The following CRB1 variants were observed in gnomAD, a reference collection of about 807,000 sequenced individuals.
CRB1 encodes crumbs cell polarity complex component 1, also known as protein crumbs homolog 1.
A neutral mutation model predicts 120.0 loss-of-function variants in CRB1; 83 were observed. The ratio of observed to expected loss-of-function variants is 0.69; its 90% CI spans 0.58 to 0.83. The LOEUF is 0.83. Ranked by LOEUF, CRB1 falls within the 40% of genes least tolerant of loss-of-function variation. CRB1 has a pLI of 0.00. For synonymous variants in CRB1, 625 were observed against 612.5 expected, an observed-to-expected ratio of 1.02 and a Z score of -0.30; for missense variants, 1,699 against 1,687.6, an observed-to-expected ratio of 1.01 and a Z score of -0.12.
At chr1:197,354,923 G>C (rs1040948766) in intron 4 of CRB1, among the ~76,000 whole-genome samples, 1 of 130,862 alleles carries the variant, frequency 7.6e-6, no homozygotes, top group Non-Finnish European at 1.6e-5. Context: ...TTTACAGAGA[G>C]CTGATTGGTC....
intron 5 of CRB1, among the ~76,000 whole-genome samples, chr1:197,386,666 C>T (rs969935743): frequency 2.0e-5 from 3 of 152,224 alleles, no homozygotes; most frequent in Non-Finnish European, 4.4e-5. Context: ...CTTAATATAG[C>T]CATCACGTGC....
rs761950651 is a variant in CRB1 at position 197,472,351 on chromosome 1, C to T, written c.4006-5313C>T. On this transcript the variant is annotated intron_variant, in intron 11 of 11. Coordinates refer to ENST00000367400, the MANE Select transcript of CRB1 (RefSeq NM_201253.3). Reference sequence around the variant, plus strand: ...CCCAAATATTGCCTTCATTTTTAACCGCAAACATACTTCTGTTGGTTTTAT... The same window carrying T: ...CCCAAATATTGCCTTCATTTTTAACTGCAAACATACTTCTGTTGGTTTTAT... Among the ~76,000 whole-genome samples the T allele has an allele frequency of 4.6e-5, 7 of 152,138 alleles. No homozygotes were observed. In the South Asian group the frequency reaches 8.3e-4, roughly 18 times the overall value.
At chr1:197,252,562 ATATATATATATATATATATATGTGTGTG>A in the CRB1 span, among the ~76,000 whole-genome samples, 2 of 41,600 alleles carry the variant, frequency 4.8e-5, no homozygotes, top group African/African-American at 1.3e-4. Context: ...ATATATATAT[ATATATATATATATATATATATGTGTGTG>A]TGTGTGTGTG....
At position 197,268,366 on chromosome 1, in the gene CRB1, G is replaced by T; in HGVS notation, c.-47G>T. 7.0e-7 allele frequency: 1 copy of T among 1,433,734 alleles called. No homozygotes were observed. The highest frequency in any genetic ancestry group is 9.8e-7 in the Non-Finnish European group (1 of 1,016,060). The allele number at this position is 1,433,734 out of a possible 1,614,324, so 88.8% of individuals were successfully genotyped here. ...AGACAGGGATCAGGAGCCGGACTGG[G>T]ACCAGACCACCAGCAACACACCAGA... On this transcript the variant is annotated 5_prime_UTR_variant, in exon 1 of 12. Coordinates refer to ENST00000367400, the MANE Select transcript of CRB1 (RefSeq NM_201253.3).
chr1:197,222,766 A>T, the CRB1 span: 1 of 1,100,480 alleles, frequency 9.1e-7, no homozygotes, highest in Non-Finnish European at 1.4e-6. Flanking sequence ...TTTCTTTCTG[A>T]ACTCCAAGTG....
At position 197,471,335 on chromosome 1, in the gene CRB1, A is replaced by G. The variant is rs151127558; in HGVS notation, c.4006-6329A>G. Among the ~76,000 whole-genome samples the G allele has an allele frequency of 6.8e-4, 104 of 152,334 alleles. No homozygotes were observed. The East Asian group carries it at 0.02, about 29-fold the overall frequency. On this transcript the variant is annotated intron_variant, in intron 11 of 11. Coordinates refer to ENST00000367400, the MANE Select transcript of CRB1 (RefSeq NM_201253.3). ...AGAGACTTCAAACCCTGCTAACTGC[A>G]GTCTTACAGCCCTTGGAGGGGGCCG...
At chr1:197,335,829 C>T (rs1659122860) in intron 2 of CRB1, among the ~76,000 whole-genome samples, 1 of 152,200 alleles carries the variant, frequency 6.6e-6, no homozygotes. Context: ...TTTCTCCCCT[C>T]CCTGTTCCAC....
intron 1 of CRB1, among the ~76,000 whole-genome samples, chr1:197,279,183 C>T (rs1469655015): frequency 1.3e-5 from 2 of 151,866 alleles, no homozygotes; most frequent in African/African-American, 2.4e-5. Flanking sequence ...TCCTATTTCT[C>T]TTTAACCTCA....
chr1:197,381,338 A>G (rs1661945900), intron 5 of CRB1, among the ~76,000 whole-genome samples: 1 of 152,258 alleles, frequency 6.6e-6, no homozygotes, highest in Non-Finnish European at 1.5e-5. Context: ...GAATCATTCA[A>G]ATTGGCATAA....
chr1:197,354,229 C>T (rs549478861), intron 4 of CRB1, among the ~76,000 whole-genome samples: 1 of 152,288 alleles, frequency 6.6e-6, no homozygotes, highest in South Asian at 2.1e-4. Flanking sequence ...AGATGTTTGG[C>T]AGCTTTTATT....
At chr1:197,462,690 T>C (rs1176273473) in intron 11 of CRB1, among the ~76,000 whole-genome samples, 1 of 152,200 alleles carries the variant, frequency 6.6e-6, no homozygotes, top group Non-Finnish European at 1.5e-5. Flanking sequence ...TAATTACACA[T>C]AAATTTCAAA....
chr1:197,411,939 C>T (rs1337411633), intron 5 of CRB1, among the ~76,000 whole-genome samples: 2 of 152,154 alleles, frequency 1.3e-5, no homozygotes, highest in Admixed American at 6.5e-5. Flanking sequence ...TCTAAAGGTA[C>T]ATCTCTTTGT....
At chr1:197,383,567 C>T (rs1242076346) in intron 5 of CRB1, among the ~76,000 whole-genome samples, 1 of 152,168 alleles carries the variant, frequency 6.6e-6, no homozygotes, top group African/African-American at 2.4e-5. Flanking sequence ...TCAGAAATTT[C>T]ACAGTTAAAA....
chr1:197,223,152 T>G, the CRB1 span: 161 of 957,670 alleles, frequency 1.7e-4, no homozygotes, highest in African/African-American at 2.5e-3. Context: ...ATGATTGCCT[T>G]GGCCCTGGCT....
the CRB1 span, among the ~76,000 whole-genome samples, chr1:197,259,715 G>A: frequency 6.6e-6 from 1 of 152,076 alleles, no homozygotes; most frequent in Non-Finnish European, 1.5e-5. Context: ...GTATTGAAAA[G>A]ATATAAATTA....
intron 11 of CRB1, among the ~76,000 whole-genome samples, chr1:197,452,651 A>C (rs1166515798): frequency 6.6e-6 from 1 of 152,154 alleles, no homozygotes; most frequent in Non-Finnish European, 1.5e-5. Flanking sequence ...CCACACAACA[A>C]ATAGGGATCA....
intron 2 of CRB1, among the ~76,000 whole-genome samples, chr1:197,340,602 G>A (rs138348077): frequency 1.9e-4 from 29 of 152,204 alleles, no homozygotes; most frequent in Admixed American, 6.5e-5. Flanking sequence ...AATAAGGATG[G>A]CACCTTAGAT....
chr1:197,348,562 C>T (rs142877464), intron 4 of CRB1, among the ~76,000 whole-genome samples: 346 of 152,242 alleles, frequency 2.3e-3, no homozygotes, highest in African/African-American at 7.8e-3. Flanking sequence ...CTATAAGCTC[C>T]GCCTCCCGGG....
At chr1:197,261,939 T>C in the CRB1 span, among the ~76,000 whole-genome samples, 3 of 152,168 alleles carry the variant, frequency 2.0e-5, no homozygotes, top group African/African-American at 7.2e-5. Context: ...AAATAATCTA[T>C]AATATAGAGT....
Sources: allele counts gnomAD v4.1 joint callset (sites outside exome capture counted in the v4.1 genomes callset), GRCh38; gene constraint gnomAD v4.1.1; transcripts MANE v1.5; gene names NCBI Gene and HGNC (gene_info 2026-07-23, HGNC 2026-07-21).